The following CSMD3 variants were observed in gnomAD, a reference collection of about 807,000 sequenced individuals.
CSMD3 encodes the protein CUB and Sushi multiple domains 3, also known as CUB and sushi domain-containing protein 3.
In CSMD3, 177 loss-of-function variants were observed where a neutral mutation model predicts 435.2. That is an observed-to-expected ratio of 0.41 (90% CI 0.36 to 0.46). CSMD3 has a LOEUF of 0.46. Ranked by LOEUF, CSMD3 falls within the 20% of genes least tolerant of loss-of-function variation. CSMD3 has a pLI of 0.34. For missense variants in CSMD3, 4,265 were observed against 4,504.6 expected, an observed-to-expected ratio of 0.95 and a Z score of 1.52; for synonymous variants, 1,656 against 1,520.5, an observed-to-expected ratio of 1.09 and a Z score of -2.07.
intron 12 of CSMD3, among the ~76,000 whole-genome samples, chr8:112,801,513 T>A (rs1182062694): frequency 6.6e-6 from 1 of 152,098 alleles, no homozygotes; most frequent in African/African-American, 2.4e-5. Flanking sequence ...GATACCATAA[T>A]GCATCATGGA....
At chr8:112,385,955 G>A (rs1048386623) in intron 36 of CSMD3, among the ~76,000 whole-genome samples, 1 of 152,090 alleles carries the variant, frequency 6.6e-6, no homozygotes. Context: ...TATGGAAAAG[G>A]GTCTTTCAGA....
intron 1 of CSMD3, among the ~76,000 whole-genome samples, chr8:113,406,544 G>A (rs1269270310): frequency 6.6e-6 from 1 of 151,902 alleles, no homozygotes; most frequent in East Asian, 1.9e-4. Context: ...AAAGCAATGT[G>A]GGTTGTAGTC....
chr8:112,571,427 G>T (rs572102335), intron 24 of CSMD3, among the ~76,000 whole-genome samples: 1 of 152,158 alleles, frequency 6.6e-6, no homozygotes, highest in South Asian at 2.1e-4. Flanking sequence ...ACTCATTCCA[G>T]TCACCTGAGC....
At chr8:112,745,840 A>G (rs2077413462) in intron 13 of CSMD3, among the ~76,000 whole-genome samples, 1 of 152,150 alleles carries the variant, frequency 6.6e-6, no homozygotes, top group Admixed American at 6.5e-5. Flanking sequence ...AATGTCTAAC[A>G]TAACTTCTAA....
At position 112,859,262 on chromosome 8, in the gene CSMD3, T is replaced by C. The variant is rs1477833216; in HGVS notation, c.1638A>G (p.Lys546=). Residue 546 remains lysine (K), a synonymous_variant, in exon 11 of 71, where the codon AAA becomes AAG. Coordinates refer to ENST00000297405, the MANE Select transcript of CSMD3 (RefSeq NM_198123.2). Reference sequence around the variant, plus strand: ...GTCCTTGAAGATTAGAGCCACACGTTTTCACTAAAAGAGAAATTGCATTTT... The same window carrying C: ...GTCCTTGAAGATTAGAGCCACACGTCTTCACTAAAAGAGAAATTGCATTTT... ...WSDHRPVCKV[K]TCGSNLQGPS... 1 of 1,610,916 alleles carries C rather than the reference T, an allele frequency of 6.2e-7. No homozygotes were observed. Among genetic ancestry groups the C allele is most frequent in the Admixed American group, 1.7e-5 (1 of 59,808 alleles).
intron 10 of CSMD3, among the ~76,000 whole-genome samples, chr8:112,875,469 T>G (rs987564074): frequency 6.6e-6 from 1 of 152,172 alleles, no homozygotes; most frequent in African/African-American, 2.4e-5. Context: ...TGTCCTGTCT[T>G]GCTAGGTTGG....
intron 3 of CSMD3, among the ~76,000 whole-genome samples, chr8:113,191,615 A>T (rs2092586314): frequency 6.6e-6 from 1 of 151,698 alleles, no homozygotes; most frequent in Non-Finnish European, 1.5e-5. Context: ...ACTGCATAGT[A>T]GTCCTTGGTG....
At chr8:112,749,524 C>A (rs945735102) in intron 13 of CSMD3, among the ~76,000 whole-genome samples, 2 of 152,014 alleles carry the variant, frequency 1.3e-5, no homozygotes, top group Admixed American at 6.6e-5. Flanking sequence ...ACACCATACA[C>A]AAAACTCAAT....
At chr8:113,414,578 C>G (rs753710227) in intron 1 of CSMD3, among the ~76,000 whole-genome samples, 1 of 143,544 alleles carries the variant, frequency 7.0e-6, no homozygotes. Context: ...AATTGAAATA[C>G]TTATTATTTG....
chr8:113,300,425 A>G (rs1332764669), intron 2 of CSMD3, among the ~76,000 whole-genome samples: 2 of 152,178 alleles, frequency 1.3e-5, no homozygotes, highest in Admixed American at 6.5e-5. Flanking sequence ...TAGCAAAGTC[A>G]TGGAACCAAC....
chr8:112,248,690 AG>A (rs1267150245), intron 63 of CSMD3, among the ~76,000 whole-genome samples: 2 of 152,158 alleles, frequency 1.3e-5, no homozygotes, highest in Admixed American at 6.6e-5. Flanking sequence ...TTTGATACCA[AG>A]ATTCCATTTG....
In CSMD3 at chr8:112,254,270, T is replaced by C. The variant is rs760191286; in HGVS notation, c.10093A>G (p.Asn3365Asp). The change falls in exon 63 of 71, where the codon AAT (asparagine) becomes GAT (aspartate). Residue 3365 changes from asparagine to aspartate, a missense_variant. Asn to Asp is a conservative substitution (Grantham distance 23, BLOSUM62 1). Around this residue, in one of 3 missense-constraint regions of CSMD3, gnomAD observed 3,255 missense variants for 3,380.2 expected, o/e 0.96. Coordinates refer to ENST00000297405, the MANE Select transcript of CSMD3 (RefSeq NM_198123.2). Reference protein sequence around the residue: ...PGVPRHGSQNNTFGFQVGSVV... With the variant: ...PGVPRHGSQNDTFGFQVGSVV... Reference sequence around the variant, plus strand: ...GTACCCACTTGAAATCCGAATGTATTGTTCTGAGATCCATGCCGAGGCACA... The same window carrying C: ...GTACCCACTTGAAATCCGAATGTATCGTTCTGAGATCCATGCCGAGGCACA... The C allele has an allele frequency of 1.2e-5, 19 of 1,612,202 alleles. No individual in the cohort carries two copies. Among genetic ancestry groups the C allele is most frequent in the African/African-American group, 9.4e-5 (7 of 74,838 alleles).
At chr8:113,324,425 A>T (rs2093969635) in intron 1 of CSMD3, among the ~76,000 whole-genome samples, 1 of 152,112 alleles carries the variant, frequency 6.6e-6, no homozygotes, top group Admixed American at 6.5e-5. Context: ...CTGAAAGGGG[A>T]CAACGTAGAC....
At chr8:112,637,405 T>C (rs1406678852) in intron 21 of CSMD3, among the ~76,000 whole-genome samples, 2 of 152,156 alleles carry the variant, frequency 1.3e-5, no homozygotes, top group African/African-American at 4.8e-5. Context: ...TGAAATGCTT[T>C]TGCTTAATAT....
intron 32 of CSMD3, among the ~76,000 whole-genome samples, chr8:112,459,805 T>G (rs759514886): frequency 6.6e-6 from 1 of 152,138 alleles, no homozygotes; most frequent in Non-Finnish European, 1.5e-5. Context: ...AGCATATTAG[T>G]TCCTGACTAG....
intron 25 of CSMD3, among the ~76,000 whole-genome samples, chr8:112,555,455 G>C (rs1028236401): frequency 6.6e-6 from 1 of 151,886 alleles, no homozygotes; most frequent in African/African-American, 2.4e-5. Flanking sequence ...ATTAGTCAGT[G>C]GTACATTTTT....
chr8:112,224,732 T>G lies in CSMD3; in HGVS notation c.*39A>C. ...AACTAAATGTGCACTGTTTTGTGTGTCGATTTCCAAGCTTCTGAAGAAGGC... is the reference window on the plus strand; with the variant it reads ...AACTAAATGTGCACTGTTTTGTGTGGCGATTTCCAAGCTTCTGAAGAAGGC... On this transcript the variant is annotated 3_prime_UTR_variant, in exon 71 of 71. Transcript: ENST00000297405. 1.2e-6 allele frequency: 2 copies of G among 1,609,996 alleles called. No individual in the cohort carries two copies. The highest frequency in any genetic ancestry group is 1.1e-5 in the South Asian group (1 of 91,030).
chr8:113,397,749 C>T (rs1176212428), intron 1 of CSMD3, among the ~76,000 whole-genome samples: 18 of 151,764 alleles, frequency 1.2e-4, no homozygotes. Context: ...ACCCGGTAGG[C>T]GGAGCTTGCA....
chr8:112,490,586 C>T lies in CSMD3; in HGVS notation c.5278+1903G>A, dbSNP rs577759569. Among the ~76,000 whole-genome samples, 333 of 152,094 alleles carry T rather than the reference C, an allele frequency of 2.2e-3. 2 individuals are homozygous for T. Among genetic ancestry groups the T allele is most frequent in the African/African-American group, 7.7e-3 (319 of 41,492 alleles). ...CCATCTACTTAATCATTTATCCCTG[C>T]GATTAACATCTATCTTAATAATCTA... is the stretch of plus-strand genomic sequence containing the variant. On this transcript the variant is annotated intron_variant, in intron 31 of 70. Coordinates refer to ENST00000297405, the MANE Select transcript of CSMD3 (RefSeq NM_198123.2).
Sources: allele counts gnomAD v4.1 joint callset (sites outside exome capture counted in the v4.1 genomes callset), GRCh38; gene constraint gnomAD v4.1.1; regional missense constraint gnomAD v4.1.1; transcripts MANE v1.5; gene names NCBI Gene and HGNC (gene_info 2026-07-23, HGNC 2026-07-21).